MGAT4C: variants seen among roughly 807,000 people sequenced by gnomAD.
The protein encoded by MGAT4C is MGAT4 family member C.
MGAT4C carries 19 observed loss-of-function variants against 40.1 expected under a neutral mutation model. That is an observed-to-expected ratio of 0.47 (90% confidence interval 0.33 to 0.70). MGAT4C has a LOEUF of 0.70. Among genes scored for constraint, MGAT4C ranks in the 30% least tolerant of loss-of-function variants. The pLI is 0.02. For synonymous variants in MGAT4C, 181 were observed against 187.1 expected (o/e 0.97, Z 0.27); for missense variants, 491 against 563.2 (o/e 0.87, Z 1.30).
chr12:86,488,520 C>T (rs1174160602), intron 2 of MGAT4C, among the ~76,000 whole-genome samples: 1 of 151,940 alleles, frequency 6.6e-6, no homozygotes, highest in African/African-American at 2.4e-5. Flanking sequence ...TTTGTTTTCT[C>T]TCTTGAACTA....
At chr12:86,769,045 G>C (rs1951574431) in intron 1 of MGAT4C, among the ~76,000 whole-genome samples, 1 of 151,928 alleles carries the variant, frequency 6.6e-6, no homozygotes, top group East Asian at 1.9e-4. Context: ...AAGAGCTTCT[G>C]CACAGCAAAA....
At chr12:86,388,163 T>G (rs1259482167) in intron 3 of MGAT4C, among the ~76,000 whole-genome samples, 1 of 152,162 alleles carries the variant, frequency 6.6e-6, no homozygotes, top group Non-Finnish European at 1.5e-5. Flanking sequence ...ATTAATAGAA[T>G]AGAGTTCTCA....
intron 2 of MGAT4C, among the ~76,000 whole-genome samples, chr12:86,510,780 A>G (rs1319921547): frequency 1.3e-5 from 2 of 152,236 alleles, no homozygotes; most frequent in Admixed American, 6.5e-5. Flanking sequence ...CAATTCAACA[A>G]GAAGAGCTAA....
At chr12:86,078,456 C>T (rs1026079420) in intron 1 of MGAT4C, among the ~76,000 whole-genome samples, 2 of 152,204 alleles carry the variant, frequency 1.3e-5, no homozygotes, top group African/African-American at 2.4e-5. Flanking sequence ...TTGGCAGAAG[C>T]ACTGCATGCA....
At chr12:86,490,643 G>A (rs2136322530) in intron 2 of MGAT4C, among the ~76,000 whole-genome samples, 1 of 152,244 alleles carries the variant, frequency 6.6e-6, no homozygotes, top group African/African-American at 2.4e-5. Flanking sequence ...TGGATAAAGA[G>A]TCAAAACCCA....
Position 86,600,127 on chromosome 12 carries a change from G to A in MGAT4C, c.-229+127082C>T, listed in dbSNP as rs542422598. 5.9e-5 allele frequency among the ~76,000 whole-genome samples: 9 copies of A among 152,228 alleles called. No homozygotes were observed. The East Asian group carries it at 1.7e-3, about 29-fold the overall frequency. Reference sequence around the variant, plus strand: ...TGCTAAGGGAACGTCACCTTCTACAGGTTATATTTACTCTCTAGAAGCCAT... The same window carrying A: ...TGCTAAGGGAACGTCACCTTCTACAAGTTATATTTACTCTCTAGAAGCCAT... On this transcript the variant is annotated intron_variant, in intron 2 of 7. Transcript: ENST00000548651.
chr12:86,361,472 C>T (rs1357478422), intron 3 of MGAT4C, among the ~76,000 whole-genome samples: 1 of 152,100 alleles, frequency 6.6e-6, no homozygotes, highest in Non-Finnish European at 1.5e-5. Context: ...CAACAAAAGC[C>T]AAAATTGACA....
intron 1 of MGAT4C, among the ~76,000 whole-genome samples, chr12:86,179,763 A>G (rs1272987828): frequency 1.3e-5 from 2 of 152,190 alleles, no homozygotes; most frequent in African/African-American, 4.8e-5. Flanking sequence ...AGCCTTCAAA[A>G]GTGACTTGGG....
chr12:86,605,379 G>A (rs1192461139), intron 2 of MGAT4C, among the ~76,000 whole-genome samples: 7 of 151,950 alleles, frequency 4.6e-5, no homozygotes, highest in Non-Finnish European at 1.0e-4. Flanking sequence ...TTACTGAGTA[G>A]ATTTTTCGAT....
chr12:86,525,251 T>C (rs1326497998), intron 2 of MGAT4C, among the ~76,000 whole-genome samples: 1 of 152,134 alleles, frequency 6.6e-6, no homozygotes, highest in Non-Finnish European at 1.5e-5. Flanking sequence ...TGTTTGGCAG[T>C]TTCCCTCCCA....
intron 1 of MGAT4C, among the ~76,000 whole-genome samples, chr12:86,218,494 TA>T (rs1950756041): frequency 6.6e-6 from 1 of 152,184 alleles, no homozygotes; most frequent in South Asian, 2.1e-4. Context: ...TTTGATATAT[TA>T]AATTATAAGA....
At chr12:86,133,502 C>A (rs1320489598) in intron 1 of MGAT4C, among the ~76,000 whole-genome samples, 1 of 152,118 alleles carries the variant, frequency 6.6e-6, no homozygotes, top group Non-Finnish European at 1.5e-5. Context: ...AAAAGATGGA[C>A]AGCTTATCTT....
intron 1 of MGAT4C, among the ~76,000 whole-genome samples, chr12:86,137,829 A>G (rs922931885): frequency 3.9e-5 from 6 of 152,214 alleles, no homozygotes; most frequent in African/African-American, 9.6e-5. Flanking sequence ...GAGAACAGAC[A>G]GTACGTGGGA....
intron 2 of MGAT4C, among the ~76,000 whole-genome samples, chr12:86,514,615 T>A (rs1443854846): frequency 6.6e-6 from 1 of 152,224 alleles, no homozygotes; most frequent in South Asian, 2.1e-4. Context: ...ACTCTCTATC[T>A]TCTGCCTTTC....
chr12:86,443,221 CAT>C (rs558882618), intron 2 of MGAT4C, among the ~76,000 whole-genome samples: 119 of 151,154 alleles, frequency 7.9e-4, no homozygotes, highest in Non-Finnish European at 1.3e-3. Flanking sequence ...CACACACACA[CAT>C]ATATACACAT....
At chr12:86,263,488 T>G (rs1952707514) in intron 4 of MGAT4C, among the ~76,000 whole-genome samples, 1 of 152,210 alleles carries the variant, frequency 6.6e-6, no homozygotes, top group Admixed American at 6.5e-5. Flanking sequence ...TTTGTCCATG[T>G]TGCTGCAAAT....
chr12:86,028,076 T>G lies in MGAT4C; in HGVS notation c.-7+21598A>C, dbSNP rs777491102. ...GTATCAAACACATGCTGTTAAATCTTCCATCAACTACCTTTTCTAAATAAT... is the reference window on the plus strand; with the variant it reads ...GTATCAAACACATGCTGTTAAATCTGCCATCAACTACCTTTTCTAAATAAT... On this transcript the variant is annotated intron_variant, in intron 2 of 4. Transcript: ENST00000611864. The G allele has an allele frequency of 7.2e-5, 88 of 1,228,416 alleles. No individual in the cohort carries two copies. In the Middle Eastern group the frequency reaches 1.3e-3, roughly 18 times the overall value. 76.1% of individuals were successfully genotyped at this position (1,228,416 alleles called of 1,614,324 possible).
At chr12:86,702,766 A>G (rs1386461799) in intron 2 of MGAT4C, among the ~76,000 whole-genome samples, 1 of 152,118 alleles carries the variant, frequency 6.6e-6, no homozygotes, top group African/African-American at 2.4e-5. Context: ...GATTAATGTT[A>G]TTTTCATGCC....
intron 2 of MGAT4C, among the ~76,000 whole-genome samples, chr12:86,508,304 C>A (rs1013229989): frequency 6.6e-6 from 1 of 151,806 alleles, no homozygotes; most frequent in Non-Finnish European, 1.5e-5. Flanking sequence ...TGAGAACATG[C>A]GGTGTTTGGT....
Sources: gnomAD v4.1 joint callset for allele counts (sites outside exome capture counted in the v4.1 genomes callset) on GRCh38, gnomAD v4.1.1 for gene constraint, MANE v1.5 for transcripts, NCBI Gene and HGNC (gene_info 2026-07-23, HGNC 2026-07-21) for gene names.